CDC25C: variants seen among roughly 807,000 people sequenced by gnomAD.
The protein encoded by CDC25C is M-phase inducer phosphatase 3.
In CDC25C, 48 loss-of-function variants were observed where a neutral mutation model predicts 52.5. That is an observed-to-expected ratio of 0.91 (90% CI 0.72 to 1.16). CDC25C has a LOEUF of 1.16. Among genes scored for constraint, CDC25C ranks in the 50% most tolerant of loss-of-function variants. CDC25C has a pLI of 0.00. For missense variants in CDC25C, 510 were observed against 566.1 expected, an observed-to-expected ratio of 0.90 and a Z score of 1.01; for synonymous variants, 187 against 206.5, an observed-to-expected ratio of 0.91 and a Z score of 0.81.
intron 7 of CDC25C, among the ~76,000 whole-genome samples, chr5:138,304,532 G>T (rs1368157027): frequency 6.7e-6 from 1 of 149,232 alleles, no homozygotes; most frequent in Non-Finnish European, 1.5e-5. Flanking sequence ...TTGAGGCAGG[G>T]TCTCCCTTTG....
intron 7 of CDC25C, among the ~76,000 whole-genome samples, chr5:138,299,700 AAAG>A (rs1046662384): frequency 4.6e-5 from 7 of 151,726 alleles, no homozygotes; most frequent in African/African-American, 1.2e-4. Flanking sequence ...CTAAAATAAA[AAAG>A]AAGATCTCAA....
At chr5:138,290,211 GTGTT>G (rs566896677) in intron 9 of CDC25C, among the ~76,000 whole-genome samples, 143 of 152,232 alleles carry the variant, frequency 9.4e-4, no homozygotes, top group African/African-American at 3.3e-3. Context: ...ATTTGTATAT[GTGTT>G]TGTGAAAACA....
intron 7 of CDC25C, among the ~76,000 whole-genome samples, chr5:138,314,925 CTT>C (rs35443317): frequency 1.4e-3 from 127 of 90,810 alleles, no homozygotes; most frequent in Admixed American, 2.1e-3. Context: ...CCAGCCAGCA[CTT>C]TTTTTTTTTT....
intron 6 of CDC25C, among the ~76,000 whole-genome samples, chr5:138,323,970 AAAAC>A (rs1759648297): frequency 6.9e-6 from 1 of 145,514 alleles, no homozygotes; most frequent in African/African-American, 2.5e-5. Context: ...AAAAAAAAAA[AAAAC>A]AAATTCCATG....
chr5:138,309,587 G>C (rs1394577889), intron 7 of CDC25C, among the ~76,000 whole-genome samples: 1 of 151,744 alleles, frequency 6.6e-6, no homozygotes, highest in African/African-American at 2.4e-5. Context: ...GGGAGGTGAG[G>C]GGAATTTAAG....
At position 138,285,462 on chromosome 5, in the gene CDC25C, T is replaced by C; in HGVS notation, c.*230A>G. On this transcript the variant is annotated 3_prime_UTR_variant, in exon 14 of 14. Transcript: ENST00000323760. ...AGAGTTCCCTGAACCAATACAAATC[T>C]CTATGCAACTCAAGGCTGCCTTATA... The C allele has an allele frequency of 1.9e-6, 1 of 537,544 alleles. No homozygotes were observed. The allele number at this position is 537,544 out of a possible 1,614,324, so 33.3% of individuals were successfully genotyped here.
chr5:138,329,434 C>A, intron 3 of CDC25C, 119 bp downstream of exon 3: 1 of 648,016 alleles, frequency 1.5e-6, no homozygotes, highest in South Asian at 2.1e-5. Context: ...CCACAAAATT[C>A]CATCTCTCTA....
Position 138,304,644 on chromosome 5 carries a change from T to TA in CDC25C, c.616-12529dup, listed in dbSNP as rs540339449. ...TCTCTGCCTCCCAAGTGGCTGGGAC[T>TA]ACAGGCATGCACTACCACATGCAAC... On this transcript the variant is annotated intron_variant, in intron 7 of 13. Coordinates refer to ENST00000323760, the MANE Select transcript of CDC25C (RefSeq NM_001790.5). Among the ~76,000 whole-genome samples, 3 of 152,172 alleles carry TA rather than the reference T, an allele frequency of 2.0e-5. No individual in the cohort carries two copies. The East Asian group carries it at 5.8e-4, about 29-fold the overall frequency.
intron 7 of CDC25C, among the ~76,000 whole-genome samples, chr5:138,315,236 A>G (rs1016356542): frequency 5.3e-5 from 8 of 152,110 alleles, no homozygotes. Context: ...TATAATTTTT[A>G]TTATAGTATG....
intron 10 of CDC25C, among the ~76,000 whole-genome samples, chr5:138,288,583 C>T (rs939992706): frequency 1.3e-5 from 2 of 152,050 alleles, no homozygotes; most frequent in Non-Finnish European, 2.9e-5. Flanking sequence ...GTAATCCCAG[C>T]TACTTGGGAG....
intron 6 of CDC25C, among the ~76,000 whole-genome samples, chr5:138,320,822 A>G (rs974373907): frequency 2.6e-4 from 38 of 148,586 alleles, no homozygotes; most frequent in African/African-American, 8.9e-4. Context: ...AGGTTAAGGC[A>G]TAAGAATCAC....
At chr5:138,296,728 C>T (rs1757222216) in intron 7 of CDC25C, among the ~76,000 whole-genome samples, 1 of 151,198 alleles carries the variant, frequency 6.6e-6, no homozygotes, top group African/African-American at 2.4e-5. Context: ...GCCTCGGCCC[C>T]CAGAGTAGCT....
At chr5:138,297,068 G>A (rs929257327) in intron 7 of CDC25C, among the ~76,000 whole-genome samples, 4 of 145,328 alleles carry the variant, frequency 2.8e-5, no homozygotes, top group East Asian at 4.2e-4. Context: ...CCGCCACCAC[G>A]CCAGGCTAAT....
In CDC25C at chr5:138,315,405, G is replaced by A. The variant is rs145467577; in HGVS notation, c.615+3814C>T. On this transcript the variant is annotated intron_variant, in intron 7 of 13. Coordinates refer to ENST00000323760, the MANE Select transcript of CDC25C (RefSeq NM_001790.5). ...TTTAGGCATCCACTGGGGGGTCTCAGAATGTATTCTCTGTGGATAACAGAG... is the reference window on the plus strand; with the variant it reads ...TTTAGGCATCCACTGGGGGGTCTCAAAATGTATTCTCTGTGGATAACAGAG... 9.9e-3 allele frequency among the ~76,000 whole-genome samples: 1,500 copies of A among 152,240 alleles called. 8 individuals carry two copies. Among genetic ancestry groups the A allele is most frequent in the Middle Eastern group, 0.014 (4 of 294 alleles).
At chr5:138,323,482 G>A (rs548654276) in intron 6 of CDC25C, among the ~76,000 whole-genome samples, 2 of 151,598 alleles carry the variant, frequency 1.3e-5, no homozygotes, top group Non-Finnish European at 2.9e-5. Context: ...TTTTTGGTTG[G>A]GGGGTGGGGT....
At chr5:138,327,373 TGGGAGGCCAAG>T in intron 4 of CDC25C, among the ~76,000 whole-genome samples, 1 of 45,228 alleles carries the variant, frequency 2.2e-5, no homozygotes, top group Non-Finnish European at 4.0e-5. Context: ...CCCAGGACTT[TGGGAGGCCAAG>T]GGGTGGGTGG....
chr5:138,325,095 A>T (rs1056130304), intron 6 of CDC25C, among the ~76,000 whole-genome samples: 3 of 152,240 alleles, frequency 2.0e-5, no homozygotes, highest in African/African-American at 7.2e-5. Flanking sequence ...AAAAGTGATT[A>T]TAAATGGAGA....
At chr5:138,338,164 T>A in exon 1 of CDC25C, 1 of 1,289,582 alleles carries the variant, frequency 7.8e-7, no homozygotes, top group Non-Finnish European at 1.0e-6. Flanking sequence ...ATGGGTGGCT[T>A]GGGGGGATTC....
At chr5:138,309,354 A>AAG (rs2126746162) in intron 7 of CDC25C, among the ~76,000 whole-genome samples, 1 of 152,234 alleles carries the variant, frequency 6.6e-6, no homozygotes, top group Admixed American at 6.5e-5. Flanking sequence ...TCAGGAGTTC[A>AAG]AGACCAGCCT....
Sources: gnomAD v4.1 joint callset for allele counts (sites outside exome capture counted in the v4.1 genomes callset) on GRCh38, gnomAD v4.1.1 for gene constraint, MANE v1.5 for transcripts, NCBI Gene and HGNC (gene_info 2026-07-23, HGNC 2026-07-21) for gene names.